BTNL8: variants seen among roughly 807,000 people sequenced by gnomAD.
BTNL8 encodes butyrophilin-like protein 8.
BTNL8 carries 22 observed loss-of-function variants against 36.1 expected under a neutral mutation model. That is an observed-to-expected ratio of 0.61 (90% CI 0.44 to 0.87). The LOEUF is 0.87. Ranked by LOEUF, BTNL8 falls within the 40% of genes least tolerant of loss-of-function variation. BTNL8 has a pLI of 0.00. For missense variants in BTNL8, 526 were observed against 616.9 expected (o/e 0.85, Z 1.56); for synonymous variants, 203 against 235.6 (o/e 0.86, Z 1.27).
intron 3 of BTNL8, among the ~76,000 whole-genome samples, chr5:180,934,461 C>A (rs1758549975): frequency 6.6e-6 from 1 of 152,226 alleles, no homozygotes; most frequent in Non-Finnish European, 1.5e-5. Flanking sequence ...CAGTCCAGAT[C>A]CCACACCTGC....
chr5:180,927,687 A>G (rs1290726267), intron 3 of BTNL8, among the ~76,000 whole-genome samples: 1 of 152,214 alleles, frequency 6.6e-6, no homozygotes, highest in South Asian at 2.1e-4. Flanking sequence ...TGAAGCATAC[A>G]CAAGTATCAA....
chr5:180,912,601 C>T (rs1473462015), intron 3 of BTNL8, among the ~76,000 whole-genome samples: 2 of 152,042 alleles, frequency 1.3e-5, no homozygotes, highest in African/African-American at 4.8e-5. Flanking sequence ...TTACTGTGTA[C>T]ACCTGTAGTC....
chr5:180,905,389 T>G lies in BTNL8; in HGVS notation c.50-3197T>G, dbSNP rs1478133859. On this transcript the variant is annotated intron_variant, in intron 1 of 7. Transcript: ENST00000340184. ...GTGGTGATATCCCCTTTATCATTTT[T>G]TATTGCATCTATTTGATTCTTCTCT... Among the ~76,000 whole-genome samples the G allele has an allele frequency of 4.8e-5, 6 of 125,076 alleles. 1 individual carries two copies. The highest frequency in any genetic ancestry group is 2.3e-4 in the African/African-American group (6 of 26,488). 82.1% of individuals were successfully genotyped at this position (125,076 alleles called of 152,430 possible).
At chr5:180,908,155 T>C (rs903699041) in intron 1 of BTNL8, among the ~76,000 whole-genome samples, 3 of 152,178 alleles carry the variant, frequency 2.0e-5, no homozygotes, top group Non-Finnish European at 2.9e-5. Flanking sequence ...GTGCTAGCAA[T>C]CAGCGAGACT....
At chr5:180,929,246 A>T (rs1462158033) in intron 3 of BTNL8, among the ~76,000 whole-genome samples, 2 of 152,242 alleles carry the variant, frequency 1.3e-5, no homozygotes, top group Non-Finnish European at 2.9e-5. Flanking sequence ...GCAGAAATAA[A>T]TAAGCTCTTT....
chr5:180,937,455 C>T (rs892644182), intron 3 of BTNL8, among the ~76,000 whole-genome samples: 4 of 152,122 alleles, frequency 2.6e-5, no homozygotes, highest in Admixed American at 6.5e-5. Context: ...ACCCACGTAT[C>T]CAACCAACAC....
Position 180,950,772 on chromosome 5 carries a change from T to A in BTNL8, c.*228T>A. On this transcript the variant is annotated 3_prime_UTR_variant, in exon 8 of 8. Transcript: ENST00000340184. ...TGATCTTGAAATACCACCTCTCAGG[T>A]GAAGAACCGTCAGGAATTCCCATCT... 2.0e-6 allele frequency: 1 copy of A among 507,902 alleles called. No individual in the cohort carries two copies. The highest frequency in any genetic ancestry group is 3.5e-6 in the Non-Finnish European group (1 of 281,720). The allele number at this position is 507,902 out of a possible 1,614,324, so 31.5% of individuals were successfully genotyped here.
rs758504563 is a variant in BTNL8 at position 180,949,296 on chromosome 5, C to T, written c.862+31C>T. On this transcript the variant is annotated intron_variant, in intron 7 of 7. Coordinates refer to ENST00000340184, the MANE Select transcript of BTNL8 (RefSeq NM_001040462.3). ...AACGCCTGAGAGGGTGACAGTGGGA[C>T]AGAATCTCAGGTGGACATGAGAGGG... The T allele has an allele frequency of 8.9e-6, 13 of 1,461,230 alleles. 3 individuals are homozygous for T. The highest frequency in any genetic ancestry group is 1.2e-5 in the Non-Finnish European group (13 of 1,058,218). The allele number at this position is 1,461,230 out of a possible 1,614,324, so 90.5% of individuals were successfully genotyped here.
rs1756855281 is a variant in BTNL8 at position 180,902,295 on chromosome 5, A to G, written c.49+2936A>G. On this transcript the variant is annotated intron_variant, in intron 1 of 7. Coordinates refer to ENST00000340184, the MANE Select transcript of BTNL8 (RefSeq NM_001040462.3). ...AAAGAGACTTTTTCCTCTGGATAAC[A>G]TGGTTTTCTCATCTTAAAAATAAAA... is the stretch of plus-strand genomic sequence containing the variant. 2.7e-6 allele frequency: 4 copies of G among 1,491,506 alleles called. No individual in the cohort carries two copies. In the Admixed American group the frequency reaches 7.9e-5, roughly 30 times the overall value. 92.4% of individuals were successfully genotyped at this position (1,491,506 alleles called of 1,614,324 possible).
At chr5:180,932,109 C>T (rs1347660962) in intron 3 of BTNL8, among the ~76,000 whole-genome samples, 1 of 152,040 alleles carries the variant, frequency 6.6e-6, no homozygotes, top group Non-Finnish European at 1.5e-5. Flanking sequence ...ACATATACAC[C>T]ATTGAATACT....
intron 3 of BTNL8, among the ~76,000 whole-genome samples, chr5:180,933,173 A>T (rs1188875544): frequency 2.6e-5 from 4 of 152,336 alleles, no homozygotes; most frequent in East Asian, 3.8e-4. Flanking sequence ...CAGTTAGTAA[A>T]TATTTTAAGG....
intron 2 of BTNL8, 69 bp from the exon 3 acceptor site, chr5:180,911,270 C>T: frequency 1.1e-5 from 17 of 1,579,608 alleles, no homozygotes; most frequent in Non-Finnish European, 1.4e-5. Flanking sequence ...ACTGAATGCA[C>T]CTGACTCAGA....
At chr5:180,945,455 A>G (rs1264856175) in intron 3 of BTNL8, among the ~76,000 whole-genome samples, 1 of 142,976 alleles carries the variant, frequency 7.0e-6, no homozygotes, top group East Asian at 1.9e-4. Flanking sequence ...GCAAAAATAG[A>G]CAAATGGGAT....
At chr5:180,912,161 C>T (rs1332170787) in intron 3 of BTNL8, among the ~76,000 whole-genome samples, 1 of 152,152 alleles carries the variant, frequency 6.6e-6, no homozygotes, top group African/African-American at 2.4e-5. Context: ...TCAAACTGAA[C>T]CACTGGCTCT....
At chr5:180,933,394 T>C (rs1758498438) in intron 3 of BTNL8, among the ~76,000 whole-genome samples, 1 of 152,160 alleles carries the variant, frequency 6.6e-6, no homozygotes, top group Non-Finnish European at 1.5e-5. Context: ...ACATATCATA[T>C]CTTAGGCCAC....
chr5:180,914,066 T>C (rs1209198318), intron 3 of BTNL8, among the ~76,000 whole-genome samples: 1 of 152,098 alleles, frequency 6.6e-6, no homozygotes, highest in African/African-American at 2.4e-5. Flanking sequence ...TTGAAGAAAA[T>C]GGTATTGCGA....
chr5:180,939,475 T>C (rs1758820111), intron 3 of BTNL8, among the ~76,000 whole-genome samples: 1 of 152,172 alleles, frequency 6.6e-6, no homozygotes, highest in Admixed American at 6.5e-5. Context: ...TATTATTTAA[T>C]GATAAAGGGG....
intron 3 of BTNL8, among the ~76,000 whole-genome samples, chr5:180,938,890 GAT>G (rs1328783687): frequency 1.1e-4 from 16 of 152,046 alleles, no homozygotes; most frequent in African/African-American, 3.9e-4. Context: ...AGAAGAAAAA[GAT>G]ATTTTTTAGA....
In BTNL8 at chr5:180,911,509, G is replaced by C. The variant is rs2113783974; in HGVS notation, c.568G>C (p.Asp190His). ...RTNRDMHGLFDVEISLTVQEN... is the reference protein window; with the variant it reads ...RTNRDMHGLFHVEISLTVQEN... ...AAACAGAGACATGCATGGCCTGTTTGATGTGGAGATCTCTCTGACCGTCCA... is the reference window on the plus strand; with the variant it reads ...AAACAGAGACATGCATGGCCTGTTTCATGTGGAGATCTCTCTGACCGTCCA... The change falls in exon 3 of 8, where the codon GAT becomes CAT. Residue 190 changes from aspartate to histidine, a missense_variant. Transcript: ENST00000340184. 2 of 1,614,204 alleles carry C rather than the reference G, an allele frequency of 1.2e-6. No homozygotes were observed. The highest frequency in any genetic ancestry group is 1.3e-5 in the African/African-American group (1 of 75,046).
Sources: allele counts gnomAD v4.1 joint callset (sites outside exome capture counted in the v4.1 genomes callset), GRCh38; gene constraint gnomAD v4.1.1; transcripts MANE v1.5; gene names NCBI Gene and HGNC (gene_info 2026-07-23, HGNC 2026-07-21).